JARID2: variants seen among roughly 807,000 people sequenced by gnomAD.
The protein encoded by JARID2 is protein Jumonji.
In JARID2, 21 loss-of-function variants were observed where a neutral mutation model predicts 125.6. That is an observed-to-expected ratio of 0.17 (90% CI 0.12 to 0.24). The LOEUF (loss-of-function observed/expected upper bound fraction) is 0.24, where lower values mean the gene tolerates loss of function less well. JARID2 is among the 10% of genes least tolerant of loss of function. The pLI, the probability that JARID2 is intolerant of heterozygous loss-of-function variation, is 1.00. For synonymous variants in JARID2, 736 were observed against 661.6 expected (o/e 1.11, Z -1.73); for missense variants, 1,303 against 1,639.6 (o/e 0.79, Z 3.55).
chr6:15,298,211 TTAAG>T (rs1448368431), intron 1 of JARID2, among the ~76,000 whole-genome samples: 1 of 152,254 alleles, frequency 6.6e-6, no homozygotes, highest in Non-Finnish European at 1.5e-5. Flanking sequence ...ATTTGCTTTA[TTAAG>T]TATCTTCTGG....
intron 6 of JARID2, among the ~76,000 whole-genome samples, chr6:15,490,093 T>A (rs752925859): frequency 1.1e-4 from 16 of 152,194 alleles, no homozygotes; most frequent in Non-Finnish European, 1.5e-5. Flanking sequence ...AACCCTCAGA[T>A]CCTATTAGTT....
intron 3 of JARID2, among the ~76,000 whole-genome samples, chr6:15,416,697 A>T (rs1271846242): frequency 1.8e-5 from 2 of 112,786 alleles, no homozygotes; most frequent in African/African-American, 8.2e-5. Context: ...GGAGAGGGAG[A>T]CCGTGGGGAG....
intron 1 of JARID2, among the ~76,000 whole-genome samples, chr6:15,340,750 T>C (rs959230701): frequency 1.3e-5 from 2 of 152,248 alleles, no homozygotes; most frequent in African/African-American, 2.4e-5. Flanking sequence ...GGTCGTTTGC[T>C]GGTCAGAAAT....
intron 2 of JARID2, among the ~76,000 whole-genome samples, chr6:15,390,376 C>G (rs1268409025): frequency 6.6e-6 from 1 of 152,082 alleles, no homozygotes; most frequent in Non-Finnish European, 1.5e-5. Flanking sequence ...GCCGCACTGC[C>G]GCACACTCAG....
intron 1 of JARID2, among the ~76,000 whole-genome samples, chr6:15,296,477 T>C (rs1233558453): frequency 6.6e-6 from 1 of 152,164 alleles, no homozygotes; most frequent in Non-Finnish European, 1.5e-5. Flanking sequence ...AGTACAAAGA[T>C]TTTCCCAAAT....
intron 5 of JARID2, among the ~76,000 whole-genome samples, chr6:15,485,990 C>A (rs1769847377): frequency 1.3e-5 from 2 of 152,182 alleles, no homozygotes; most frequent in Non-Finnish European, 2.9e-5. Flanking sequence ...TGAGGGAATT[C>A]TACCTGAAGT....
chr6:15,329,614 C>T (rs1024483477), intron 1 of JARID2, among the ~76,000 whole-genome samples: 4 of 152,272 alleles, frequency 2.6e-5, no homozygotes, highest in East Asian at 3.9e-4. Flanking sequence ...CGGGTTAAAC[C>T]GCATGCGCTC....
chr6:15,270,837 A>T (rs1042310638), intron 1 of JARID2, among the ~76,000 whole-genome samples: 3 of 152,054 alleles, frequency 2.0e-5, no homozygotes, highest in African/African-American at 7.2e-5. Context: ...GGTACTTGGG[A>T]GGCTGAGGCA....
intron 2 of JARID2, among the ~76,000 whole-genome samples, chr6:15,390,605 G>C (rs113107614): frequency 0.011 from 1,684 of 152,296 alleles, 34 homozygotes; most frequent in African/African-American, 0.038. Context: ...GTCCTTTTGT[G>C]GGGGTAGGCA....
At position 15,468,543 on chromosome 6, in the gene JARID2, T is replaced by C; in HGVS notation, c.495T>C (p.Gly165=). The change falls in exon 5 of 18, where the codon GGT becomes GGC. Residue 165 remains glycine (G), a splice_region_variant and synonymous_variant. Transcript: ENST00000341776. ...GAGCTGTTTTTCTTATTCCACCAGGTTCTCCTGCGCTGCCCAACAGCATGG... is the reference window on the plus strand; with the variant it reads ...GAGCTGTTTTTCTTATTCCACCAGGCTCTCCTGCGCTGCCCAACAGCATGG... ...EDFLTFLCLR[G]SPALPNSMVY... is the part of the protein sequence containing the mutation. 6.2e-7 allele frequency: 1 copy of C among 1,610,338 alleles called. No individual in the cohort carries two copies. Among genetic ancestry groups the C allele is most frequent in the Non-Finnish European group, 8.5e-7 (1 of 1,177,912 alleles).
intron 1 of JARID2, among the ~76,000 whole-genome samples, chr6:15,312,477 A>G (rs1762047649): frequency 6.6e-6 from 1 of 152,150 alleles, no homozygotes; most frequent in Admixed American, 6.5e-5. Flanking sequence ...CCATCAATAT[A>G]TGCACCTCCT....
intron 5 of JARID2, among the ~76,000 whole-genome samples, chr6:15,477,503 GGTT>G (rs769143632): frequency 4.1e-5 from 3 of 74,002 alleles, no homozygotes; most frequent in South Asian, 5.8e-4. Flanking sequence ...TGGGAGTGTT[GGTT>G]TTTTTTTTTT....
At chr6:15,265,267 C>G (rs1052242169) in intron 1 of JARID2, among the ~76,000 whole-genome samples, 1 of 151,956 alleles carries the variant, frequency 6.6e-6, no homozygotes, top group Non-Finnish European at 1.5e-5. Context: ...AGCTACTGCT[C>G]CGGGCTGTGC....
At chr6:15,418,431 G>C (rs564548267) in intron 3 of JARID2, among the ~76,000 whole-genome samples, 1 of 152,186 alleles carries the variant, frequency 6.6e-6, no homozygotes, top group Admixed American at 6.5e-5. Flanking sequence ...GGCCAGGATG[G>C]TCTCTATCTC....
intron 5 of JARID2, among the ~76,000 whole-genome samples, chr6:15,481,336 T>C (rs1326315400): frequency 6.6e-6 from 1 of 152,256 alleles, no homozygotes; most frequent in Non-Finnish European, 1.5e-5. Context: ...TTTTCTCTCC[T>C]TAAAGAAACT....
intron 1 of JARID2, among the ~76,000 whole-genome samples, chr6:15,335,365 G>A (rs568534698): frequency 2.6e-5 from 4 of 152,218 alleles, no homozygotes; most frequent in Admixed American, 2.6e-4. Flanking sequence ...CACCCAAAGG[G>A]CTGGGATTGC....
At chr6:15,331,935 A>G (rs1762724366) in intron 1 of JARID2, among the ~76,000 whole-genome samples, 1 of 152,158 alleles carries the variant, frequency 6.6e-6, no homozygotes, top group Admixed American at 6.5e-5. Flanking sequence ...TAAAAAAAAA[A>G]TCCTAGACTT....
At position 15,483,555 on chromosome 6, in the gene JARID2, AC is replaced by A. The variant is rs538972152; in HGVS notation, c.671-3749del. On this transcript the variant is annotated intron_variant, in intron 5 of 17. Transcript: ENST00000341776. ...ATAAAATTCACACATTATAGAATAT[AC>A]CCATTAAATGTACTGTAGCATGTAT... Among the ~76,000 whole-genome samples, 46 of 152,332 alleles carry A rather than the reference AC, an allele frequency of 3.0e-4. 1 individual carries two copies. In the South Asian group the frequency reaches 6.2e-3, roughly 21 times the overall value.
intron 3 of JARID2, among the ~76,000 whole-genome samples, chr6:15,434,881 G>A (rs886068657): frequency 6.6e-6 from 1 of 152,176 alleles, no homozygotes; most frequent in Non-Finnish European, 1.5e-5. Flanking sequence ...TCTCAAGTAG[G>A]TTTGGGTTTC....
Sources: gnomAD v4.1 joint callset for allele counts (sites outside exome capture counted in the v4.1 genomes callset) on GRCh38, gnomAD v4.1.1 for gene constraint, MANE v1.5 for transcripts, NCBI Gene and HGNC (gene_info 2026-07-23, HGNC 2026-07-21) for gene names.